Variants in N4BP2 observed in about 807,000 individuals in gnomAD.
N4BP2 encodes NEDD4-binding protein 2.
A neutral mutation model predicts 152.8 loss-of-function variants in N4BP2; 91 were observed. The observed-to-expected ratio is 0.60, with a 90% CI of 0.50 to 0.71. The LOEUF (loss-of-function observed/expected upper bound fraction) is 0.71. Ranked by LOEUF, N4BP2 falls within the 30% of genes least tolerant of loss-of-function variation. The pLI is 0.00. For synonymous variants in N4BP2, 646 were observed against 705.3 expected, an observed-to-expected ratio of 0.92 and a Z score of 1.33; for missense variants, 1,923 against 2,059.1, an observed-to-expected ratio of 0.93 and a Z score of 1.28.
chr4:40,140,979 A>G (rs1719875134), intron 14 of N4BP2, among the ~76,000 whole-genome samples: 1 of 151,062 alleles, frequency 6.6e-6, no homozygotes, highest in East Asian at 2.0e-4. Context: ...AAAGTCTCCC[A>G]TGTCTACCTC....
chr4:40,102,812 G>A lies in N4BP2; in HGVS notation c.967G>A (p.Gly323Arg). ...RVSDVFLPSE[G>R]FNFKPHKHPE... is the part of the protein sequence containing the mutation. ...CTCTGATGTGTTTCTACCTTCCGAA[G>A]GGTTCAACTTCAAGCCACACAAACA... is the stretch of plus-strand genomic sequence containing the variant. Residue 323 changes from glycine to arginine, a missense_variant, in exon 4 of 18, where the codon GGG becomes AGG. By Grantham distance (125) the Gly-to-Arg change is moderately radical. Coordinates refer to ENST00000261435, the MANE Select transcript of N4BP2 (RefSeq NM_018177.6). 3.7e-6 allele frequency: 6 copies of A among 1,614,128 alleles called. No homozygotes were observed. Among genetic ancestry groups the A allele is most frequent in the Non-Finnish European group, 5.1e-6 (6 of 1,180,024 alleles).
intron 7 of N4BP2, among the ~76,000 whole-genome samples, chr4:40,115,182 A>G (rs1717234220): frequency 6.6e-6 from 1 of 152,122 alleles, no homozygotes; most frequent in Admixed American, 6.6e-5. Flanking sequence ...TCATTTTCTA[A>G]TATGACATTT....
chr4:40,168,240 T>C, the N4BP2 span, among the ~76,000 whole-genome samples: 1 of 152,170 alleles, frequency 6.6e-6, no homozygotes, highest in South Asian at 2.1e-4. Context: ...TCAGTGATTA[T>C]ATTAAATGTA....
Position 40,121,057 on chromosome 4 carries a change from T to G in N4BP2, c.2946T>G (p.Ser982Arg), listed in dbSNP as rs758427626. The change falls in exon 9 of 18, where the codon AGT becomes AGG. Residue 982 changes from serine to arginine, a missense_variant. Physicochemically the swap from Ser to Arg is moderately radical, Grantham distance 110 (BLOSUM62 -1). Coordinates refer to ENST00000261435, the MANE Select transcript of N4BP2 (RefSeq NM_018177.6). ...CGTTGCCTCTTACTTTTACCAATAG[T>G]GCACCAACTGTTTCTGGAGTAGTAG... is the stretch of plus-strand genomic sequence containing the variant. ...HTSLPLTFTN[S>R]APTVSGVVEP... is the part of the protein sequence containing the mutation. The G allele has an allele frequency of 1.9e-6, 3 of 1,614,074 alleles. No individual in the cohort carries two copies. Among genetic ancestry groups the G allele is most frequent in the Non-Finnish European group, 2.5e-6 (3 of 1,180,010 alleles).
At chr4:40,175,338 G>GAAAAAAAAA in the N4BP2 span, among the ~76,000 whole-genome samples, 1 of 103,744 alleles carries the variant, frequency 9.6e-6, no homozygotes. Context: ...GTGAAATATA[G>GAAAAAAAAA]AAAAAAAAAA....
At chr4:40,107,131 G>C (rs1716381529) in intron 5 of N4BP2, 107 bp downstream of exon 5, 1 of 1,124,574 alleles carries the variant, frequency 8.9e-7, no homozygotes, top group African/African-American at 1.6e-5. Context: ...ACAGGGTCTC[G>C]CTGTGTTGCA....
At chr4:40,084,546 C>T (rs186960977) in intron 2 of N4BP2, among the ~76,000 whole-genome samples, 184 of 151,502 alleles carry the variant, frequency 1.2e-3, no homozygotes, top group Middle Eastern at 6.8e-3. Flanking sequence ...AGCAATCCTC[C>T]CGGCTCAGCC....
intron 5 of N4BP2, among the ~76,000 whole-genome samples, chr4:40,107,761 T>A (rs1488798326): frequency 3.3e-5 from 5 of 152,298 alleles, no homozygotes; most frequent in Non-Finnish European, 5.9e-5. Flanking sequence ...GGTGAGTTTA[T>A]TTCATAGGGT....
At chr4:40,180,224 T>C in the N4BP2 span, among the ~76,000 whole-genome samples, 1 of 152,122 alleles carries the variant, frequency 6.6e-6, no homozygotes, top group Admixed American at 6.5e-5. Flanking sequence ...TCTAAACTGA[T>C]ATAACAATAT....
intron 13 of N4BP2, among the ~76,000 whole-genome samples, chr4:40,134,903 T>TTCTTTC (rs1553925987): frequency 3.5e-5 from 3 of 85,266 alleles, no homozygotes; most frequent in African/African-American, 1.1e-4. Flanking sequence ...CTTCCTTCCT[T>TTCTTTC]TCTCTCTCTC....
At chr4:40,092,041 TATATAG>T (rs1361763222) in intron 2 of N4BP2, among the ~76,000 whole-genome samples, 4 of 116,402 alleles carry the variant, frequency 3.4e-5, no homozygotes, top group African/African-American at 1.3e-4. Flanking sequence ...TATATATATA[TATATAG>T]CTGAATTTTA....
At position 40,083,774 on chromosome 4, in the gene N4BP2, A is replaced by AT. The variant is rs903270734; in HGVS notation, c.-115+10224dup. ...AGTGGTGATGGTTGTACAACTCTGA[A>AT]TATACTGGAAACCACTGAATTGTAC... On this transcript the variant is annotated intron_variant, in intron 2 of 17. Coordinates refer to ENST00000261435, the MANE Select transcript of N4BP2 (RefSeq NM_018177.6). 4.1e-4 allele frequency among the ~76,000 whole-genome samples: 63 copies of AT among 152,142 alleles called. 1 individual carries two copies. The highest frequency in any genetic ancestry group is 1.5e-3 in the African/African-American group (61 of 41,436).
chr4:40,143,175 G>C (rs1241478443), intron 15 of N4BP2, among the ~76,000 whole-genome samples: 1 of 152,062 alleles, frequency 6.6e-6, no homozygotes, highest in Non-Finnish European at 1.5e-5. Flanking sequence ...TGAGATTAAA[G>C]GGGTTTTGTG....
chr4:40,098,666 G>GCTCAGA (rs1715322642), intron 3 of N4BP2, among the ~76,000 whole-genome samples: 1 of 152,180 alleles, frequency 6.6e-6, no homozygotes, highest in African/African-American at 2.4e-5. Context: ...AGCAGTGCAT[G>GCTCAGA]ATGCTCAGAA....
At chr4:40,083,506 G>A (rs890424987) in intron 2 of N4BP2, among the ~76,000 whole-genome samples, 5 of 152,106 alleles carry the variant, frequency 3.3e-5, no homozygotes, top group Non-Finnish European at 5.9e-5. Flanking sequence ...TAGCAGTATC[G>A]GTGAAGTACC....
intron 2 of N4BP2, among the ~76,000 whole-genome samples, chr4:40,088,906 C>CT (rs1391530101): frequency 6.6e-6 from 1 of 151,922 alleles, no homozygotes; most frequent in Non-Finnish European, 1.5e-5. Flanking sequence ...GTTTTTTCTC[C>CT]TTTTTTGCTG....
intron 12 of N4BP2, among the ~76,000 whole-genome samples, chr4:40,131,462 C>T (rs1718895727): frequency 6.6e-6 from 1 of 152,008 alleles, no homozygotes; most frequent in Non-Finnish European, 1.5e-5. Flanking sequence ...ATATATGCCT[C>T]TATATCTTCA....
the N4BP2 span, among the ~76,000 whole-genome samples, chr4:40,172,056 G>A: frequency 6.6e-6 from 1 of 152,026 alleles, no homozygotes; most frequent in African/African-American, 2.4e-5. Context: ...ATAGGCATGC[G>A]CCACCACACC....
chr4:40,185,228 T>C, the N4BP2 span, among the ~76,000 whole-genome samples: 1 of 152,212 alleles, frequency 6.6e-6, no homozygotes, highest in African/African-American at 2.4e-5. Flanking sequence ...TCATTGGCTG[T>C]GTGGCCTTAT....
Sources: gnomAD v4.1 joint callset for allele counts (sites outside exome capture counted in the v4.1 genomes callset) on GRCh38, gnomAD v4.1.1 for gene constraint, MANE v1.5 for transcripts, NCBI Gene and HGNC (gene_info 2026-07-23, HGNC 2026-07-21) for gene names.